Variants in TTC6 observed in about 807,000 individuals in gnomAD.
TTC6 encodes tetratricopeptide repeat domain 6.
Under a neutral mutation model 210.4 loss-of-function variants are expected in TTC6, and 172 were observed. The observed-to-expected ratio is 0.82, with a 90% CI of 0.72 to 0.93. TTC6 has a LOEUF of 0.93. TTC6 is among the 40% of genes least tolerant of loss of function. TTC6 has a pLI of 0.00. For missense variants in TTC6, 2,414 were observed against 2,318.1 expected (o/e 1.04, Z -0.85); for synonymous variants, 804 against 819.6 (o/e 0.98, Z 0.32).
chr14:37,650,194 TGAG>T (rs1566863312), intron 1 of TTC6, among the ~76,000 whole-genome samples: 2 of 152,230 alleles, frequency 1.3e-5, no homozygotes, highest in African/African-American at 4.8e-5. Flanking sequence ...ATCTTTTTCT[TGAG>T]GACGAAGGGC....
intron 1 of TTC6, among the ~76,000 whole-genome samples, chr14:37,630,325 A>G (rs1002880619): frequency 2.0e-5 from 3 of 152,186 alleles, no homozygotes; most frequent in African/African-American, 4.8e-5. Context: ...TTCTGCCTTC[A>G]TTTCATTATT....
At chr14:37,775,600 G>C (rs1358810741) in intron 14 of TTC6, among the ~76,000 whole-genome samples, 4 of 151,946 alleles carry the variant, frequency 2.6e-5, no homozygotes, top group Non-Finnish European at 5.9e-5. Context: ...AGTGTGGTTG[G>C]TATGGTGGAG....
intron 1 of TTC6, among the ~76,000 whole-genome samples, chr14:37,638,642 G>T: frequency 6.7e-6 from 1 of 149,832 alleles, no homozygotes; most frequent in African/African-American, 2.4e-5. Context: ...GGGGGGGCTG[G>T]GAGGGAAGTG....
intron 29 of TTC6, among the ~76,000 whole-genome samples, chr14:37,832,808 C>T (rs901041558): frequency 1.3e-5 from 2 of 151,862 alleles, no homozygotes; most frequent in Non-Finnish European, 2.9e-5. Flanking sequence ...GCCTATAATC[C>T]CAGCACTTTG....
intron 29 of TTC6, among the ~76,000 whole-genome samples, chr14:37,832,298 C>CTGATAT (rs941938088): frequency 3.1e-4 from 39 of 126,886 alleles, no homozygotes; most frequent in African/African-American, 1.1e-3. Flanking sequence ...TATTTCTGCT[C>CTGATAT]TGATATTTAT....
exon 5 of TTC6, chr14:37,701,457 A>G: frequency 6.5e-7 from 1 of 1,527,452 alleles, no homozygotes; most frequent in Non-Finnish European, 8.7e-7. Flanking sequence ...AAAGGCCACG[A>G]TACCCTGCTT....
chr14:37,764,692 A>T (rs1368722023), intron 14 of TTC6, among the ~76,000 whole-genome samples: 1 of 152,100 alleles, frequency 6.6e-6, no homozygotes, highest in African/African-American at 2.4e-5. Flanking sequence ...CCTAGATATC[A>T]TGTAGCTATA....
chr14:37,639,925 A>ATATATCTG (rs1434542268), intron 1 of TTC6, among the ~76,000 whole-genome samples: 1 of 126,528 alleles, frequency 7.9e-6, no homozygotes, highest in Non-Finnish European at 1.7e-5. Context: ...AGATATATCT[A>ATATATCTG]TATATCTATA....
intron 1 of TTC6, among the ~76,000 whole-genome samples, chr14:37,646,763 A>G (rs923400776): frequency 6.6e-6 from 1 of 152,214 alleles, no homozygotes; most frequent in Non-Finnish European, 1.5e-5. Flanking sequence ...ATATTTATAT[A>G]TAACTGCTAC....
At chr14:37,691,326 TCAAA>T (rs748441226) in intron 3 of TTC6, among the ~76,000 whole-genome samples, 36 of 152,002 alleles carry the variant, frequency 2.4e-4, no homozygotes, top group Non-Finnish European at 3.8e-4. Flanking sequence ...CAATACTCTG[TCAAA>T]CAAACAAACA....
chr14:37,675,750 CTT>C (rs11295651), intron 1 of TTC6, among the ~76,000 whole-genome samples: 77 of 142,610 alleles, frequency 5.4e-4, no homozygotes, highest in East Asian at 4.2e-4. Context: ...TTCTTTCTTT[CTT>C]TTTTTTTTTT....
rs1457120269 is a variant in TTC6, at chr14:37,666,028, A to C, written c.940-14123A>C. 2.7e-5 allele frequency among the ~76,000 whole-genome samples: 4 copies of C among 150,636 alleles called. 1 individual carries two copies. Among genetic ancestry groups the C allele is most frequent in the Non-Finnish European group, 6.0e-5 (4 of 67,158 alleles). On this transcript the variant is annotated intron_variant, in intron 1 of 30. Coordinates refer to ENST00000553443, the Ensembl canonical transcript of TTC6. ...GATCACTAAACAACTTAACACATGA[A>C]ATGATTCTAAGTGTAAATTTGATTT... is the stretch of plus-strand genomic sequence containing the variant.
At chr14:37,716,831 A>G (rs1161059484) in intron 6 of TTC6, among the ~76,000 whole-genome samples, 1 of 152,096 alleles carries the variant, frequency 6.6e-6, no homozygotes, top group East Asian at 1.9e-4. Context: ...TTTATAGAAC[A>G]CTGTACCCAA....
chr14:37,666,878 G>A (rs894975273), intron 1 of TTC6, among the ~76,000 whole-genome samples: 5 of 149,846 alleles, frequency 3.3e-5, no homozygotes, highest in Non-Finnish European at 6.0e-5. Context: ...TTTGCCTTTG[G>A]GGGCACTTCT....
At chr14:37,631,863 G>C (rs1379164392) in intron 1 of TTC6, among the ~76,000 whole-genome samples, 1 of 151,844 alleles carries the variant, frequency 6.6e-6, no homozygotes, top group African/African-American at 2.4e-5. Flanking sequence ...TCATTAAGTT[G>C]ATCTTCAATC....
chr14:37,823,786 G>T, exon 27 of TTC6: 1 of 1,613,716 alleles, frequency 6.2e-7, no homozygotes, highest in Non-Finnish European at 8.5e-7. Context: ...TCTTTACTTG[G>T]GCTCTTAAAA....
At chr14:37,832,860 T>C (rs7143945) in intron 29 of TTC6, among the ~76,000 whole-genome samples, 133,722 of 151,838 alleles carry the variant, frequency 0.88, 59,542 homozygotes, top group Non-Finnish European at 0.95. Flanking sequence ...GAGATCAAGA[T>C]CATCCTGGCC....
chr14:37,826,400 G>A (rs2096171690), intron 28 of TTC6, 53 bp downstream of exon 30: 1 of 1,411,844 alleles, frequency 7.1e-7, no homozygotes. Context: ...CACTGTCAAT[G>A]AATAGGTGCA....
chr14:37,720,911 C>T (rs745587697), intron 6 of TTC6, among the ~76,000 whole-genome samples: 2 of 151,964 alleles, frequency 1.3e-5, no homozygotes, highest in Non-Finnish European at 2.9e-5. Flanking sequence ...TTGACTGTTT[C>T]ATGTCAACAT....
Sources: gnomAD v4.1 joint callset for allele counts (sites outside exome capture counted in the v4.1 genomes callset) on GRCh38, gnomAD v4.1.1 for gene constraint, MANE v1.5 for transcripts, NCBI Gene and HGNC (gene_info 2026-07-23, HGNC 2026-07-21) for gene names.